The following SLC24A2 variants were observed in gnomAD, a reference collection of about 807,000 sequenced individuals.
SLC24A2 encodes sodium/potassium/calcium exchanger 2.
A neutral mutation model predicts 62.0 loss-of-function variants in SLC24A2; 36 were observed. The ratio of observed to expected loss-of-function variants is 0.58; its 90% CI spans 0.44 to 0.77. The LOEUF is 0.77. SLC24A2 is among the 30% of genes least tolerant of loss of function. The pLI is 0.00. For synonymous variants in SLC24A2, 358 were observed against 294.0 expected (o/e 1.22, Z -2.23); for missense variants, 846 against 817.9 (o/e 1.03, Z -0.42).
intron 8 of SLC24A2, among the ~76,000 whole-genome samples, chr9:19,545,116 T>C (rs888458196): frequency 6.6e-6 from 1 of 152,144 alleles, no homozygotes; most frequent in African/African-American, 2.4e-5. Flanking sequence ...TTGGAGGCTT[T>C]GTTTGATCCC....
At chr9:19,659,827 G>A (rs1159385404) in intron 2 of SLC24A2, among the ~76,000 whole-genome samples, 1 of 152,118 alleles carries the variant, frequency 6.6e-6, no homozygotes, top group Non-Finnish European at 1.5e-5. Context: ...GGGCCCACAA[G>A]GGTCAGGATT....
the SLC24A2 span, among the ~76,000 whole-genome samples, chr9:19,804,388 A>G: frequency 6.6e-6 from 1 of 152,112 alleles, no homozygotes; most frequent in Non-Finnish European, 1.5e-5. Flanking sequence ...GTTAAATTTA[A>G]TCTTAACTAA....
At chr9:19,706,441 G>A (rs1452777595) in intron 2 of SLC24A2, among the ~76,000 whole-genome samples, 1 of 149,172 alleles carries the variant, frequency 6.7e-6, no homozygotes, top group Non-Finnish European at 1.5e-5. Context: ...GTGCAGTGGC[G>A]CGATCTCGAC....
the SLC24A2 span, among the ~76,000 whole-genome samples, chr9:19,963,599 C>CG: frequency 6.6e-6 from 1 of 152,162 alleles, no homozygotes; most frequent in Non-Finnish European, 1.5e-5. Context: ...ATTTATGCAG[C>CG]CAAAAAACAC....
At chr9:20,188,763 A>G in the SLC24A2 span, among the ~76,000 whole-genome samples, 1 of 152,160 alleles carries the variant, frequency 6.6e-6, no homozygotes, top group Non-Finnish European at 1.5e-5. Flanking sequence ...TGGAAAAAGC[A>G]AGGAAACAGA....
At chr9:20,051,663 T>C in the SLC24A2 span, among the ~76,000 whole-genome samples, 6 of 138,566 alleles carry the variant, frequency 4.3e-5, no homozygotes, top group Admixed American at 3.0e-4. Context: ...TTCTCTTTTT[T>C]TTTTTTTTTT....
At chr9:19,917,638 A>C in the SLC24A2 span, among the ~76,000 whole-genome samples, 3 of 151,748 alleles carry the variant, frequency 2.0e-5, no homozygotes. Flanking sequence ...ATGAATAGAA[A>C]CCTTTTGTTG....
At chr9:19,991,085 T>A in the SLC24A2 span, among the ~76,000 whole-genome samples, 6 of 151,746 alleles carry the variant, frequency 4.0e-5, no homozygotes, top group East Asian at 1.2e-3. Flanking sequence ...AAGGAGTTTA[T>A]TAAGGAGTAT....
chr9:20,185,697 AC>A, the SLC24A2 span, among the ~76,000 whole-genome samples: 1 of 151,820 alleles, frequency 6.6e-6, no homozygotes, highest in African/African-American at 2.4e-5. Flanking sequence ...AAAAGAAAAA[AC>A]ATTACTCAGC....
the SLC24A2 span, among the ~76,000 whole-genome samples, chr9:20,007,879 C>CTTTTTT: frequency 2.9e-3 from 114 of 39,540 alleles, 42 homozygotes; most frequent in African/African-American, 7.1e-3. Context: ...TTACTCCTCT[C>CTTTTTT]TTTTTTTTTT....
intron 4 of SLC24A2, among the ~76,000 whole-genome samples, chr9:19,612,971 G>A (rs994578362): frequency 1.4e-4 from 22 of 152,196 alleles, no homozygotes; most frequent in African/African-American, 4.8e-4. Context: ...ATCAATGTCG[G>A]TAGAGATATA....
chr9:19,954,263 C>T, the SLC24A2 span, among the ~76,000 whole-genome samples: 2 of 152,062 alleles, frequency 1.3e-5, no homozygotes, highest in Non-Finnish European at 2.9e-5. Flanking sequence ...GATACCTCTA[C>T]TGCAACTTGA....
the SLC24A2 span, among the ~76,000 whole-genome samples, chr9:20,107,809 C>A: frequency 6.6e-6 from 1 of 152,006 alleles, no homozygotes; most frequent in African/African-American, 2.4e-5. Context: ...TCTAAAACAC[C>A]AAAAGCAATG....
At chr9:20,263,914 A>C in the SLC24A2 span, among the ~76,000 whole-genome samples, 1 of 132,626 alleles carries the variant, frequency 7.5e-6, no homozygotes, top group African/African-American at 2.9e-5. Flanking sequence ...AGTGAACATC[A>C]TGTCTGGCTG....
chr9:19,907,090 A>C, the SLC24A2 span, among the ~76,000 whole-genome samples: 1 of 152,234 alleles, frequency 6.6e-6, no homozygotes, highest in African/African-American at 2.4e-5. Flanking sequence ...AAATACTGGC[A>C]AACTGAATCC....
At chr9:20,239,842 T>C in the SLC24A2 span, among the ~76,000 whole-genome samples, 19,288 of 151,584 alleles carry the variant, frequency 0.13, 2,474 homozygotes, top group East Asian at 0.63. Flanking sequence ...AAAAGAGATA[T>C]GGTATGAAAA....
chr9:20,261,885 G>A, the SLC24A2 span, among the ~76,000 whole-genome samples: 11 of 151,756 alleles, frequency 7.2e-5, no homozygotes, highest in South Asian at 4.2e-4. Flanking sequence ...GACTACAGGC[G>A]CCCGCCACCA....
At chr9:20,092,861 C>T in the SLC24A2 span, among the ~76,000 whole-genome samples, 2 of 152,074 alleles carry the variant, frequency 1.3e-5, no homozygotes, top group African/African-American at 2.4e-5. Context: ...AAACTGAAAG[C>T]TGAACTCATA....
At chr9:19,606,862 G>A (rs1248767889) in intron 4 of SLC24A2, among the ~76,000 whole-genome samples, 10 of 152,218 alleles carry the variant, frequency 6.6e-5, no homozygotes, top group Admixed American at 5.2e-4. Flanking sequence ...TGGTGGATCT[G>A]ATAATGTGAG....
Sources: gnomAD v4.1 joint callset for allele counts (sites outside exome capture counted in the v4.1 genomes callset) on GRCh38, gnomAD v4.1.1 for gene constraint, MANE v1.5 for transcripts, NCBI Gene and HGNC (gene_info 2026-07-23, HGNC 2026-07-21) for gene names.